Variants in UNC5D observed in about 807,000 individuals in gnomAD.
UNC5D encodes the protein netrin receptor UNC5D.
UNC5D carries 39 observed loss-of-function variants against 105.4 expected under a neutral mutation model. The ratio of observed to expected loss-of-function variants is 0.37; its 90% CI spans 0.29 to 0.48. UNC5D has a LOEUF of 0.48. UNC5D is among the 20% of genes least tolerant of loss of function. The pLI, the probability that UNC5D is intolerant of heterozygous loss-of-function variation, is 0.98. For synonymous variants in UNC5D, 452 were observed against 450.4 expected, an observed-to-expected ratio of 1.00 and a Z score of -0.04; for missense variants, 991 against 1,202.4, an observed-to-expected ratio of 0.82 and a Z score of 2.60.
At position 35,731,003 on chromosome 8, in the gene UNC5D, C is replaced by A; in HGVS notation, c.1682-9C>A. 1 of 1,613,282 alleles carries A rather than the reference C, an allele frequency of 6.2e-7. No individual in the cohort carries two copies. ...TCTATGAATAACCTGTTGGCTTTTT[C>A]TGTTTTAGGGGTGAGCTTACTCATA... On this transcript the variant is annotated splice_polypyrimidine_tract_variant and intron_variant, in intron 10 of 16. Coordinates refer to ENST00000404895, the MANE Select transcript of UNC5D (RefSeq NM_080872.4).
intron 4 of UNC5D, among the ~76,000 whole-genome samples, chr8:35,636,114 C>T (rs770431376): frequency 1.6e-4 from 24 of 152,112 alleles, no homozygotes; most frequent in Admixed American, 7.2e-4. Context: ...TATCTGCTGC[C>T]GAATTCTATA....
intron 1 of UNC5D, among the ~76,000 whole-genome samples, chr8:35,424,705 A>T (rs1806128615): frequency 6.6e-6 from 1 of 152,194 alleles, no homozygotes; most frequent in African/African-American, 2.4e-5. Flanking sequence ...TCATCTCTAT[A>T]GTGTGGGCTT....
chr8:35,366,707 A>G (rs192261523), intron 1 of UNC5D, among the ~76,000 whole-genome samples: 17 of 152,198 alleles, frequency 1.1e-4, no homozygotes, highest in Admixed American at 1.1e-3. Context: ...GATAATGTGC[A>G]TTCTAGATCC....
intron 13 of UNC5D, among the ~76,000 whole-genome samples, chr8:35,757,324 A>G (rs967472792): frequency 6.6e-6 from 1 of 152,232 alleles, no homozygotes; most frequent in African/African-American, 2.4e-5. Flanking sequence ...CCACATTTTC[A>G]TCATCTCCAA....
chr8:35,498,956 A>G (rs4739412), intron 1 of UNC5D, among the ~76,000 whole-genome samples: 25,208 of 152,144 alleles, frequency 0.17, 2,751 homozygotes, highest in African/African-American at 0.28. Flanking sequence ...TTGCTTGAAA[A>G]TGGAACCCAA....
intron 1 of UNC5D, among the ~76,000 whole-genome samples, chr8:35,455,204 A>G (rs1808406602): frequency 6.6e-6 from 1 of 152,158 alleles, no homozygotes; most frequent in Admixed American, 6.6e-5. Flanking sequence ...CCAATTTTAT[A>G]AAGTACTAAT....
chr8:35,287,837 A>C (rs1806722739), intron 1 of UNC5D, among the ~76,000 whole-genome samples: 1 of 152,000 alleles, frequency 6.6e-6, no homozygotes, highest in African/African-American at 2.4e-5. Flanking sequence ...TAAATAAATA[A>C]ATATACTTTA....
chr8:35,557,856 G>T (rs890724318), intron 2 of UNC5D, among the ~76,000 whole-genome samples: 1 of 152,012 alleles, frequency 6.6e-6, no homozygotes, highest in Non-Finnish European at 1.5e-5. Context: ...CCAGGGCTGG[G>T]CACAGTGGCT....
chr8:35,427,277 C>A (rs1194461287), intron 1 of UNC5D, among the ~76,000 whole-genome samples: 1 of 152,160 alleles, frequency 6.6e-6, no homozygotes, highest in Non-Finnish European at 1.5e-5. Flanking sequence ...TTCTCTTCTA[C>A]TGAATGTTCA....
At chr8:35,352,160 G>A (rs1261031269) in intron 1 of UNC5D, among the ~76,000 whole-genome samples, 2 of 152,010 alleles carry the variant, frequency 1.3e-5, no homozygotes, top group African/African-American at 4.8e-5. Context: ...GAGGCTATTA[G>A]ATAACTAATC....
chr8:35,747,107 T>C (rs1039307034), intron 11 of UNC5D, among the ~76,000 whole-genome samples: 1 of 152,218 alleles, frequency 6.6e-6, no homozygotes, highest in African/African-American at 2.4e-5. Flanking sequence ...TGGTTACTTT[T>C]GTGGAAGACT....
intron 1 of UNC5D, among the ~76,000 whole-genome samples, chr8:35,534,801 G>A: frequency 6.6e-6 from 1 of 151,928 alleles, no homozygotes; most frequent in Non-Finnish European, 1.5e-5. Flanking sequence ...TACAAAAAAA[G>A]ATTGAGAGTT....
intron 1 of UNC5D, among the ~76,000 whole-genome samples, chr8:35,453,948 T>G (rs1030515968): frequency 5.9e-5 from 9 of 152,262 alleles, no homozygotes; most frequent in African/African-American, 2.2e-4. Context: ...CTATTTCTCC[T>G]AATGGTAGAA....
intron 1 of UNC5D, among the ~76,000 whole-genome samples, chr8:35,301,990 C>A (rs1330056240): frequency 6.6e-6 from 1 of 151,890 alleles, no homozygotes; most frequent in Non-Finnish European, 1.5e-5. Context: ...AGAGAACAAA[C>A]CTGGGAGATG....
intron 1 of UNC5D, among the ~76,000 whole-genome samples, chr8:35,427,459 T>C (rs562367998): frequency 6.6e-6 from 1 of 152,320 alleles, no homozygotes; most frequent in South Asian, 2.1e-4. Flanking sequence ...ATTGCTTTTA[T>C]TATCAGTGAA....
chr8:35,418,408 G>A (rs1226625741), intron 1 of UNC5D, among the ~76,000 whole-genome samples: 2 of 152,076 alleles, frequency 1.3e-5, no homozygotes, highest in Non-Finnish European at 2.9e-5. Flanking sequence ...GACATGTAAA[G>A]GCATTTTGAG....
rs150784485 is a variant in UNC5D, at chr8:35,675,177, G to A, written c.571-8370G>A. Among the ~76,000 whole-genome samples the A allele has an allele frequency of 5.8e-3, 888 of 152,270 alleles. 4 individuals carry two copies. Among genetic ancestry groups the A allele is most frequent in the African/African-American group, 0.021 (859 of 41,558 alleles). On this transcript the variant is annotated intron_variant, in intron 4 of 16. Transcript: ENST00000404895. Reference sequence around the variant, plus strand: ...AATATATTGAAGAACAGCTCTCTCAGCAGTCTTACTCTTCTAGGTCATTTC... The same window carrying A: ...AATATATTGAAGAACAGCTCTCTCAACAGTCTTACTCTTCTAGGTCATTTC...
At chr8:35,494,475 G>A (rs999324025) in intron 1 of UNC5D, among the ~76,000 whole-genome samples, 7 of 151,878 alleles carry the variant, frequency 4.6e-5, no homozygotes, top group South Asian at 2.1e-4. Context: ...GTTACTCCTC[G>A]AAAAATCCTA....
chr8:35,485,584 C>G (rs548052500), intron 1 of UNC5D, among the ~76,000 whole-genome samples: 1 of 152,182 alleles, frequency 6.6e-6, no homozygotes, highest in Non-Finnish European at 1.5e-5. Context: ...TATTAATATA[C>G]CTTGCTGCTT....
Sources: allele counts gnomAD v4.1 joint callset (sites outside exome capture counted in the v4.1 genomes callset), GRCh38; gene constraint gnomAD v4.1.1; transcripts MANE v1.5; gene names NCBI Gene and HGNC (gene_info 2026-07-23, HGNC 2026-07-21).